The following PHACTR3 variants were observed in gnomAD, a reference collection of about 807,000 sequenced individuals.
PHACTR3 encodes the protein phosphatase and actin regulator 3.
Under a neutral mutation model 66.8 loss-of-function variants are expected in PHACTR3, and 16 were observed. That is an observed-to-expected ratio of 0.24 (90% CI 0.16 to 0.36). The LOEUF (loss-of-function observed/expected upper bound fraction) is 0.36, where lower values mean the gene tolerates loss of function less well. PHACTR3 is among the 10% of genes least tolerant of loss of function. The pLI, the probability that PHACTR3 is intolerant of heterozygous loss-of-function variation, is 1.00. For synonymous variants in PHACTR3, 323 were observed against 292.1 expected (o/e 1.11, Z -1.08); for missense variants, 647 against 719.9 (o/e 0.90, Z 1.16).
chr20:59,739,584 A>G (rs927559716), intron 1 of PHACTR3, among the ~76,000 whole-genome samples: 1 of 152,096 alleles, frequency 6.6e-6, no homozygotes, highest in Non-Finnish European at 1.5e-5. Context: ...AAACCAACAG[A>G]TCTCAAGAGA....
At chr20:59,593,232 A>G (rs2033236775) in intron 1 of PHACTR3, among the ~76,000 whole-genome samples, 1 of 152,164 alleles carries the variant, frequency 6.6e-6, no homozygotes, top group African/African-American at 2.4e-5. Context: ...TTGTGGTTTC[A>G]GTTTGCATTT....
intron 12 of PHACTR3, among the ~76,000 whole-genome samples, chr20:59,846,626 GCTTT>G (rs1365544835): frequency 6.6e-6 from 1 of 152,048 alleles, no homozygotes; most frequent in Non-Finnish European, 1.5e-5. Context: ...TAAGTTGATA[GCTTT>G]CTAAAATAAT....
chr20:59,623,099 A>G (rs1600940032), intron 1 of PHACTR3, among the ~76,000 whole-genome samples: 1 of 151,634 alleles, frequency 6.6e-6, no homozygotes, highest in Non-Finnish European at 1.5e-5. Context: ...CAGGGAAGGG[A>G]AAATAAATGT....
chr20:59,675,300 G>A (rs555086370), intron 1 of PHACTR3, among the ~76,000 whole-genome samples: 1 of 151,900 alleles, frequency 6.6e-6, no homozygotes, highest in Non-Finnish European at 1.5e-5. Flanking sequence ...CCTGGGGAAG[G>A]GTACCCCATT....
At chr20:59,771,300 C>T (rs1029771396) in intron 5 of PHACTR3, among the ~76,000 whole-genome samples, 1 of 152,122 alleles carries the variant, frequency 6.6e-6, no homozygotes, top group Non-Finnish European at 1.5e-5. Context: ...GTGTCACCTG[C>T]GTGTGCTCAG....
intron 7 of PHACTR3, among the ~76,000 whole-genome samples, chr20:59,804,783 T>C (rs1192740568): frequency 1.3e-5 from 2 of 152,254 alleles, no homozygotes; most frequent in East Asian, 3.8e-4. Flanking sequence ...TTCCACTTTT[T>C]GTATCTTACT....
At chr20:59,744,402 CA>C (rs1416940862) in intron 2 of PHACTR3, among the ~76,000 whole-genome samples, 1 of 152,238 alleles carries the variant, frequency 6.6e-6, no homozygotes, top group African/African-American at 2.4e-5. Context: ...CTGTGAGCCA[CA>C]CCTAAAAACA....
At chr20:59,766,060 G>T (rs1292597363) in intron 4 of PHACTR3, among the ~76,000 whole-genome samples, 12 of 152,240 alleles carry the variant, frequency 7.9e-5, no homozygotes, top group Admixed American at 7.9e-4. Context: ...GAATAGAGAT[G>T]CTGGGGACAG....
chr20:59,612,423 C>T (rs1021697527), intron 1 of PHACTR3, among the ~76,000 whole-genome samples: 7 of 151,788 alleles, frequency 4.6e-5, no homozygotes, highest in Non-Finnish European at 8.8e-5. Context: ...TGCAGTGACG[C>T]CATCTCGGCT....
intron 1 of PHACTR3, among the ~76,000 whole-genome samples, chr20:59,728,791 A>G (rs2038657264): frequency 6.6e-6 from 1 of 150,586 alleles, no homozygotes; most frequent in African/African-American, 2.5e-5. Flanking sequence ...AGACAAGGTC[A>G]CTCCAGTGGG....
At chr20:59,650,341 G>C (rs958805651) in intron 1 of PHACTR3, among the ~76,000 whole-genome samples, 1 of 152,144 alleles carries the variant, frequency 6.6e-6, no homozygotes, top group Non-Finnish European at 1.5e-5. Context: ...ATAAATATAT[G>C]AAGCTGTATC....
intron 1 of PHACTR3, among the ~76,000 whole-genome samples, chr20:59,607,260 G>A (rs539391399): frequency 6.6e-6 from 1 of 152,268 alleles, no homozygotes; most frequent in South Asian, 2.1e-4. Flanking sequence ...CTCCTGCTGG[G>A]TGTTACTCAG....
At chr20:59,785,955 A>G (rs2040900608) in intron 7 of PHACTR3, among the ~76,000 whole-genome samples, 1 of 152,142 alleles carries the variant, frequency 6.6e-6, no homozygotes, top group Non-Finnish European at 1.5e-5. Context: ...CTGCATCCCC[A>G]GGTAGCACTA....
chr20:59,824,484 C>G (rs977886448), intron 8 of PHACTR3, among the ~76,000 whole-genome samples: 4 of 152,200 alleles, frequency 2.6e-5, no homozygotes, highest in African/African-American at 9.6e-5. Flanking sequence ...GCTGGGAGAG[C>G]CTTCCACATA....
intron 4 of PHACTR3, among the ~76,000 whole-genome samples, chr20:59,757,773 A>T (rs1312868388): frequency 6.6e-6 from 1 of 152,218 alleles, no homozygotes; most frequent in East Asian, 1.9e-4. Flanking sequence ...ACAGCATAGC[A>T]TGACGCCATC....
chr20:59,732,048 A>C (rs2146721854), intron 1 of PHACTR3, among the ~76,000 whole-genome samples: 1 of 152,296 alleles, frequency 6.6e-6, no homozygotes, highest in South Asian at 2.1e-4. Context: ...CTGTTTAGGA[A>C]AATCTAGCTA....
At chr20:59,607,315 T>C (rs1179309169) in intron 1 of PHACTR3, among the ~76,000 whole-genome samples, 1 of 152,126 alleles carries the variant, frequency 6.6e-6, no homozygotes, top group Non-Finnish European at 1.5e-5. Flanking sequence ...ACAACCTCAG[T>C]CACTTCTTGG....
intron 5 of PHACTR3, among the ~76,000 whole-genome samples, chr20:59,768,487 C>G (rs2040256300): frequency 6.6e-6 from 1 of 152,244 alleles, no homozygotes; most frequent in Non-Finnish European, 1.5e-5. Context: ...ATGATTGAGA[C>G]TTTTGAACCC....
chr20:59,685,235 T>A (rs1407327386), intron 1 of PHACTR3, among the ~76,000 whole-genome samples: 2 of 152,158 alleles, frequency 1.3e-5, no homozygotes, highest in Non-Finnish European at 2.9e-5. Context: ...GAAGTGCATA[T>A]CAGATCTTGC....
Sources: allele counts gnomAD v4.1 joint callset (sites outside exome capture counted in the v4.1 genomes callset), GRCh38; gene constraint gnomAD v4.1.1; transcripts MANE v1.5; gene names NCBI Gene and HGNC (gene_info 2026-07-23, HGNC 2026-07-21).